SERPINB11: variants seen among roughly 807,000 people sequenced by gnomAD.
The protein encoded by SERPINB11 is serpin family B member 11.
Under a neutral mutation model 36.7 loss-of-function variants are expected in SERPINB11, and 32 were observed. That is an observed-to-expected ratio of 0.87 (90% CI 0.66 to 1.17). The LOEUF (loss-of-function observed/expected upper bound fraction) is 1.17, where lower values mean the gene tolerates loss of function less well. SERPINB11 is among the 50% of genes most tolerant of loss of function. The pLI, the probability that SERPINB11 is intolerant of heterozygous loss-of-function variation, is 0.00. For missense variants in SERPINB11, 528 were observed against 458.4 expected, an observed-to-expected ratio of 1.15 and a Z score of -1.39; for synonymous variants, 174 against 168.1, an observed-to-expected ratio of 1.04 and a Z score of -0.27.
At chr18:63,708,251 G>A (rs1170107878) in intron 1 of SERPINB11, among the ~76,000 whole-genome samples, 1 of 152,194 alleles carries the variant, frequency 6.6e-6, no homozygotes, top group Non-Finnish European at 1.5e-5. Flanking sequence ...TAAAAGGGAA[G>A]ACAGTGGAGT....
intron 7 of SERPINB11, among the ~76,000 whole-genome samples, chr18:63,721,343 C>A (rs979218665): frequency 2.3e-5 from 3 of 131,238 alleles, no homozygotes; most frequent in African/African-American, 9.5e-5. Context: ...CTGATTAAGC[C>A]ATTTTACTCT....
intron 1 of SERPINB11, among the ~76,000 whole-genome samples, chr18:63,706,598 T>C (rs1025083011): frequency 2.0e-5 from 3 of 152,162 alleles, no homozygotes; most frequent in Non-Finnish European, 2.9e-5. Context: ...ATAATGTAAC[T>C]ATGCTACAGA....
At position 63,720,282 on chromosome 18, in the gene SERPINB11, T is replaced by C. The variant is rs986364946; in HGVS notation, c.618+127T>C. On this transcript the variant is annotated intron_variant, in intron 6 of 7. Transcript: ENST00000544088. The stretch of plus-strand genomic sequence containing the variant: ...AGGTTTCTGTTGGTTCTTTTTATTG[T>C]ATTTTCTACAGATTTTCATTTTTCC... The C allele has an allele frequency of 6.0e-6, 5 of 832,796 alleles. No homozygotes were observed. The African/African-American group carries it at 9.0e-5, about 15-fold the overall frequency. The allele number at this position is 832,796 out of a possible 1,614,324, so 51.6% of individuals were successfully genotyped here.
intron 7 of SERPINB11, 64 bp from the exon 8 acceptor site, chr18:63,722,931 A>G (rs907544087): frequency 3.5e-6 from 5 of 1,420,526 alleles, no homozygotes; most frequent in African/African-American, 2.9e-5. Context: ...ATAAAAACAT[A>G]TGATATTTAA....
Position 63,723,466 on chromosome 18 carries a change from C to T in SERPINB11, c.*67C>T, listed in dbSNP as rs113111449. ...CAGAGACAATCCTGTGACTTTCCCA[C>T]GGCCAAAAAGCTGTTCACACCTCAC... is the stretch of plus-strand genomic sequence containing the variant. On this transcript the variant is annotated 3_prime_UTR_variant, in exon 8 of 8. Coordinates refer to ENST00000544088, the MANE Select transcript of SERPINB11 (RefSeq NM_001370475.1). The T allele has an allele frequency of 2.4e-4, 356 of 1,467,566 alleles. 2 individuals are homozygous for T. The highest frequency in any genetic ancestry group is 1.6e-3 in the East Asian group (69 of 43,636). The allele number at this position is 1,467,566 out of a possible 1,614,324, so 90.9% of individuals were successfully genotyped here.
chr18:63,711,303 A>G (rs756372959), intron 2 of SERPINB11, 32 bp from the exon 3 acceptor site: 6 of 1,491,298 alleles, frequency 4.0e-6, no homozygotes, highest in Admixed American at 1.7e-5. Context: ...ATTGCTTCTG[A>G]TGCCAAAAGA....
chr18:63,710,064 T>A, intron 1 of SERPINB11, 115 bp from the exon 2 acceptor site: 1 of 740,804 alleles, frequency 1.3e-6, no homozygotes, highest in Non-Finnish European at 2.1e-6. Flanking sequence ...GGTATGTAGT[T>A]TTTCATGAAG....
intron 7 of SERPINB11, 118 bp from the exon 8 acceptor site, chr18:63,722,877 A>T (rs1914849925): frequency 1.2e-5 from 12 of 1,025,262 alleles, no homozygotes; most frequent in Non-Finnish European, 1.4e-5. Flanking sequence ...GACTGTATTA[A>T]AGGTAGAAAA....
intron 4 of SERPINB11, among the ~76,000 whole-genome samples, chr18:63,715,161 G>T (rs1284928668): frequency 1.3e-5 from 2 of 152,072 alleles, no homozygotes; most frequent in African/African-American, 4.8e-5. Context: ...GTCTTGTATT[G>T]TTCTATTCAG....
At chr18:63,704,992 G>A (rs934414452) in intron 1 of SERPINB11, among the ~76,000 whole-genome samples, 8 of 152,104 alleles carry the variant, frequency 5.3e-5, no homozygotes, top group Non-Finnish European at 8.8e-5. Flanking sequence ...TAGAAGGTAC[G>A]GACTATATTC....
At chr18:63,703,223 CAGGCTG>C (rs1914284969) in intron 1 of SERPINB11, among the ~76,000 whole-genome samples, 2 of 152,146 alleles carry the variant, frequency 1.3e-5, no homozygotes, top group Non-Finnish European at 2.9e-5. Flanking sequence ...ATCTTTGAGG[CAGGCTG>C]ACTTGATTTC....
At chr18:63,713,955 T>C (rs1260200538) in intron 4 of SERPINB11, among the ~76,000 whole-genome samples, 1 of 152,058 alleles carries the variant, frequency 6.6e-6, no homozygotes, top group Admixed American at 6.6e-5. Flanking sequence ...CTATGGAGAG[T>C]TACTTAAGGT....
intron 4 of SERPINB11, among the ~76,000 whole-genome samples, chr18:63,714,689 T>C (rs967834968): frequency 1.3e-5 from 2 of 152,190 alleles, no homozygotes; most frequent in African/African-American, 2.4e-5. Flanking sequence ...CCAGATCTAA[T>C]GGTTATCTCC....
intron 5 of SERPINB11, 96 bp from the exon 6 acceptor site, chr18:63,719,917 C>A: frequency 9.9e-7 from 1 of 1,006,350 alleles, no homozygotes; most frequent in Non-Finnish European, 1.4e-6. Flanking sequence ...TACAATTAGT[C>A]TTAAAAAAGA....
intron 7 of SERPINB11, among the ~76,000 whole-genome samples, chr18:63,721,946 G>A (rs1230683995): frequency 1.3e-5 from 2 of 152,182 alleles, no homozygotes; most frequent in African/African-American, 4.8e-5. Flanking sequence ...AATGCAGTTT[G>A]GGAGCAGTTT....
intron 2 of SERPINB11, 112 bp from the exon 3 acceptor site, chr18:63,711,223 C>T: frequency 1.3e-6 from 1 of 746,710 alleles, no homozygotes; most frequent in Non-Finnish European, 2.3e-6. Flanking sequence ...TAAATGTTAG[C>T]TATCACTACT....
intron 1 of SERPINB11, among the ~76,000 whole-genome samples, chr18:63,703,639 G>A (rs1343760502): frequency 6.6e-6 from 1 of 152,156 alleles, no homozygotes; most frequent in Non-Finnish European, 1.5e-5. Flanking sequence ...AGAGGTAGGT[G>A]CTAGATAAGT....
chr18:63,715,656 T>G (rs2144543287), intron 4 of SERPINB11, among the ~76,000 whole-genome samples: 1 of 152,290 alleles, frequency 6.6e-6, no homozygotes, highest in African/African-American at 2.4e-5. Flanking sequence ...CCACTCTGCT[T>G]CTCAGTTTTC....
At chr18:63,716,416 T>C (rs544554985) in intron 5 of SERPINB11, among the ~76,000 whole-genome samples, 2 of 152,342 alleles carry the variant, frequency 1.3e-5, no homozygotes, top group South Asian at 2.1e-4. Context: ...AAATTTACTT[T>C]TCACAATTAA....
Sources: gnomAD v4.1 joint callset for allele counts (sites outside exome capture counted in the v4.1 genomes callset) on GRCh38, gnomAD v4.1.1 for gene constraint, MANE v1.5 for transcripts, NCBI Gene and HGNC (gene_info 2026-07-23, HGNC 2026-07-21) for gene names.